OR2AP1: variants seen among roughly 807,000 people sequenced by gnomAD.
OR2AP1 encodes the protein olfactory receptor 2AP1.
A neutral mutation model predicts 13.9 loss-of-function variants in OR2AP1; 20 were observed. That is an observed-to-expected ratio of 1.44 (90% CI 1.01 to 2.09). OR2AP1 has a LOEUF of 2.09. Ranked by LOEUF, OR2AP1 falls within the 30% of genes most tolerant of loss-of-function variation. The pLI, the probability that OR2AP1 is intolerant of heterozygous loss-of-function variation, is 0.00. For synonymous variants in OR2AP1, 174 were observed against 137.0 expected (o/e 1.27, Z -1.89); for missense variants, 490 against 360.6 (o/e 1.36, Z -2.91).
At chr12:55,573,514 A>G (rs1368043393) in intron 1 of OR2AP1, among the ~76,000 whole-genome samples, 1 of 152,216 alleles carries the variant, frequency 6.6e-6, no homozygotes, top group Non-Finnish European at 1.5e-5. Context: ...TAAAATTCAC[A>G]TGCCCACATA....
rs1592346710 is a variant in OR2AP1, at chr12:55,575,457, T to C, written c.*113T>C. The C allele has an allele frequency of 1.6e-6, 1 of 606,284 alleles. No individual in the cohort carries two copies. The highest frequency in any genetic ancestry group is 2.9e-6 in the Non-Finnish European group (1 of 347,264). The allele number at this position is 606,284 out of a possible 1,614,324, so 37.6% of individuals were successfully genotyped here. ...AAGAAAATATGGCACATATACACCA[T>C]GGAATACTATGCAGCCATTAAAAAT... is the stretch of plus-strand genomic sequence containing the variant. On this transcript the variant is annotated 3_prime_UTR_variant, in exon 2 of 2. Transcript: ENST00000641114.
At chr12:55,573,849 C>A (rs1269487461) in intron 1 of OR2AP1, among the ~76,000 whole-genome samples, 1 of 151,976 alleles carries the variant, frequency 6.6e-6, no homozygotes, top group East Asian at 1.9e-4. Flanking sequence ...GTTGGAGGGT[C>A]CACTGGAAAG....
rs1256573066 is a variant in OR2AP1, at chr12:55,575,065, A to T, written c.651A>T (p.Ala217=). The T allele has an allele frequency of 1.3e-6, 2 of 1,547,496 alleles. No individual in the cohort carries two copies. Among genetic ancestry groups the T allele is most frequent in the East Asian group, 2.4e-5 (1 of 41,688 alleles). ...TGGTGCTAGTGATTCTCTCCTATGCATTCATTATCAAGACTATTCTGAAGC... is the reference window on the plus strand; with the variant it reads ...TGGTGCTAGTGATTCTCTCCTATGCTTTCATTATCAAGACTATTCTGAAGC... ...VTLVLVILSY[A]FIIKTILKLP... is the part of the protein sequence containing the mutation. The change falls in exon 2 of 2, where the codon GCA becomes GCT. Residue 217 remains alanine, a synonymous_variant. Coordinates refer to ENST00000641114, the MANE Select transcript of OR2AP1 (RefSeq NM_001258285.2).
At chr12:55,574,078 A>G (rs1435542776) in intron 1 of OR2AP1, 142 bp from the exon 2 acceptor site, 1 of 194,306 alleles carries the variant, frequency 5.1e-6, no homozygotes, top group Admixed American at 5.7e-5. Context: ...ACCATTCTGG[A>G]AGGAGGTAGC....
Position 55,575,221 on chromosome 12 carries a change from C to A in OR2AP1, c.807C>A (p.Asn269Lys). The change falls in exon 2 of 2, where the codon AAC becomes AAA. Residue 269 changes from asparagine (N) to lysine (K), a missense_variant. Coordinates refer to ENST00000641114, the MANE Select transcript of OR2AP1 (RefSeq NM_001258285.2). Reference protein sequence around the residue: ...NPSAKEGDTFNKGVALLITSV... With the variant: ...NPSAKEGDTFKKGVALLITSV... Reference sequence around the variant, plus strand: ...CTGCAAAAGAAGGGGATACATTCAACAAGGGAGTAGCTCTACTCATTACTT... The same window carrying A: ...CTGCAAAAGAAGGGGATACATTCAAAAAGGGAGTAGCTCTACTCATTACTT... The A allele has an allele frequency of 6.3e-7, 1 of 1,580,498 alleles. No homozygotes were observed. Among genetic ancestry groups the A allele is most frequent in the South Asian group, 1.1e-5 (1 of 88,214 alleles).
In OR2AP1 at chr12:55,574,611, T is replaced by C. The variant is rs1874507948; in HGVS notation, c.197T>C (p.Phe66Ser). Residue 66 changes from phenylalanine to serine, a missense_variant, in exon 2 of 2, where the codon TTC (phenylalanine) becomes TCC (serine). Phe to Ser is a radical substitution (Grantham distance 155). Coordinates refer to ENST00000641114, the MANE Select transcript of OR2AP1 (RefSeq NM_001258285.2). ...TATTTCTTTCTCCGGAACTTCTCCT[T>C]CTTGGAAATTTCCTTCACAAACATC... ...PMYFFLRNFS[F>S]LEISFTNIFI... 1 of 1,540,988 alleles carries C rather than the reference T, an allele frequency of 6.5e-7. No individual in the cohort carries two copies. The highest frequency in any genetic ancestry group is 8.7e-7 in the Non-Finnish European group (1 of 1,148,196).
chr12:55,572,734 A>C (rs1218469882), intron 1 of OR2AP1, 112 bp downstream of exon 1: 7 of 152,148 alleles, frequency 4.6e-5, no homozygotes, highest in Non-Finnish European at 1.0e-4. Context: ...TCTCAGCTGT[A>C]TATTTAAAGT....
Position 55,575,482 on chromosome 12 carries a change from T to G in OR2AP1, c.*138T>G. 5.3e-6 allele frequency: 3 copies of G among 564,414 alleles called. No homozygotes were observed. Among genetic ancestry groups the G allele is most frequent in the Non-Finnish European group, 6.3e-6 (2 of 318,040 alleles). The allele number at this position is 564,414 out of a possible 1,614,324, so 35.0% of individuals were successfully genotyped here. A position where few individuals can be genotyped will look rare whatever the true frequency, so the allele number is the denominator to read the frequency against. ...TGGAATACTATGCAGCCATTAAAAA[T>G]GATGAGTTGATGTCCTTTGTAGGGA... On this transcript the variant is annotated 3_prime_UTR_variant, in exon 2 of 2. Transcript: ENST00000641114.
At chr12:55,572,913 C>T (rs1350450430) in intron 1 of OR2AP1, among the ~76,000 whole-genome samples, 1 of 152,160 alleles carries the variant, frequency 6.6e-6, no homozygotes, top group African/African-American at 2.4e-5. Context: ...TGCCTCACAT[C>T]TGTAATCTCA....
chr12:55,575,292 A>G lies in OR2AP1; in HGVS notation c.878A>G (p.Gln293Arg). ...CCCTTTATTTACACCCTAAGGAACC[A>G]ACAGGTAAAACAACCCTTCAAGGAT... is the stretch of plus-strand genomic sequence containing the variant. ...LNPFIYTLRN[Q>R]QVKQPFKDMV... The change falls in exon 2 of 2, where the codon CAA becomes CGA. Residue 293 changes from glutamine (Q) to arginine (R), a missense_variant. Physicochemically the swap from Gln to Arg is conservative, Grantham distance 43. Transcript: ENST00000641114. The G allele has an allele frequency of 1.3e-6, 2 of 1,533,138 alleles. No individual in the cohort carries two copies. Among genetic ancestry groups the G allele is most frequent in the Non-Finnish European group, 1.7e-6 (2 of 1,142,936 alleles). The allele number at this position is 1,533,138 out of a possible 1,614,324, so 95.0% of individuals were successfully genotyped here.
rs1273680202 is a variant in OR2AP1, at chr12:55,574,636, C to T, written c.222C>T (p.Ile74=). Residue 74 remains isoleucine, a synonymous_variant, in exon 2 of 2, where the codon ATC becomes ATT. Transcript: ENST00000641114. ...TCTTGGAAATTTCCTTCACAAACAT[C>T]TTCATTCCAAGGGTCCTGATTAGCA... ...FSFLEISFTN[I]FIPRVLISIT... 1 of 1,543,144 alleles carries T rather than the reference C, an allele frequency of 6.5e-7. No individual in the cohort carries two copies. Among genetic ancestry groups the T allele is most frequent in the Non-Finnish European group, 8.7e-7 (1 of 1,148,616 alleles).
rs1301097137 is a variant in OR2AP1, at chr12:55,574,757, G to C, written c.343G>C (p.Ala115Pro). ...LGATEFYLLA[A>P]MSYDRYVAIC... Reference sequence around the variant, plus strand: ...GGCTACAGAGTTTTACCTTCTGGCTGCCATGTCCTATGACCGCTATGTGGC... The same window carrying C: ...GGCTACAGAGTTTTACCTTCTGGCTCCCATGTCCTATGACCGCTATGTGGC... The change falls in exon 2 of 2, where the codon GCC becomes CCC. Residue 115 changes from alanine (A) to proline (P), a missense_variant. Coordinates refer to ENST00000641114, the MANE Select transcript of OR2AP1 (RefSeq NM_001258285.2). The C allele has an allele frequency of 1.2e-6, 2 of 1,600,894 alleles. No homozygotes were observed. Among genetic ancestry groups the C allele is most frequent in the Non-Finnish European group, 1.7e-6 (2 of 1,173,316 alleles).
chr12:55,574,629 C>A lies in OR2AP1; in HGVS notation c.215C>A (p.Thr72Lys), dbSNP rs1045389211. 3.2e-6 allele frequency: 5 copies of A among 1,542,350 alleles called. No individual in the cohort carries two copies. Among genetic ancestry groups the A allele is most frequent in the Non-Finnish European group, 4.4e-6 (5 of 1,148,456 alleles). The change falls in exon 2 of 2, where the codon ACA (threonine) becomes AAA (lysine). Residue 72 changes from threonine to lysine, a missense_variant. Transcript: ENST00000641114. ...RNFSFLEISF[T>K]NIFIPRVLIS... ...TTCTCCTTCTTGGAAATTTCCTTCA[C>A]AAACATCTTCATTCCAAGGGTCCTG...
At chr12:55,573,461 T>A (rs143779039) in intron 1 of OR2AP1, among the ~76,000 whole-genome samples, 30 of 152,198 alleles carry the variant, frequency 2.0e-4, no homozygotes, top group African/African-American at 7.0e-4. Flanking sequence ...AAATATGGAA[T>A]CTCCCAGAAA....
In OR2AP1 at chr12:55,574,588, T is replaced by A; in HGVS notation, c.174T>A (p.Tyr58Ter). The A allele has an allele frequency of 6.5e-7, 1 of 1,540,600 alleles. No individual in the cohort carries two copies. Among genetic ancestry groups the A allele is most frequent in the African/African-American group, 1.4e-5 (1 of 73,186 alleles). Reference protein sequence around the residue: ...LLDSHLQTPMYFFLRNFSFLE... With the variant: ...LLDSHLQTPM ...ACTCCCACCTTCAGACTCCCATGTA[T>A]TTCTTTCTCCGGAACTTCTCCTTCT... The change falls in exon 2 of 2, where the codon TAT becomes TAA. Residue 58 changes from tyrosine to a stop codon, truncating the protein, a stop_gained. Transcript: ENST00000641114. LOFTEE classifies it high-confidence loss of function.
In OR2AP1 at chr12:55,574,581, C is replaced by T. The variant is rs1171659637; in HGVS notation, c.167C>T (p.Pro56Leu). The T allele has an allele frequency of 2.6e-6, 4 of 1,540,492 alleles. No homozygotes were observed. Among genetic ancestry groups the T allele is most frequent in the Non-Finnish European group, 2.6e-6 (3 of 1,148,446 alleles). ...TTGCTGGACTCCCACCTTCAGACTC[C>T]CATGTATTTCTTTCTCCGGAACTTC... ...LTLLDSHLQTPMYFFLRNFSF... is the reference protein window; with the variant it reads ...LTLLDSHLQTLMYFFLRNFSF... Residue 56 changes from proline (P) to leucine (L), a missense_variant, in exon 2 of 2, where the codon CCC (proline) becomes CTC (leucine). Coordinates refer to ENST00000641114, the MANE Select transcript of OR2AP1 (RefSeq NM_001258285.2).
In OR2AP1 at chr12:55,574,546, C is replaced by T; in HGVS notation, c.132C>T (p.Leu44=). The T allele has an allele frequency of 1.9e-6, 3 of 1,539,420 alleles. No individual in the cohort carries two copies. The highest frequency in any genetic ancestry group is 2.6e-6 in the Non-Finnish European group (3 of 1,147,984). The change falls in exon 2 of 2, where the codon CTC becomes CTT. Residue 44 remains leucine (L), a synonymous_variant. Transcript: ENST00000641114. ...LLSILGNLTI[L]ILTLLDSHLQ... ...GCATCCTTGGAAATCTGACTATCCT[C>T]ATCCTCACCTTGCTGGACTCCCACC...
Position 55,575,049 on chromosome 12 carries a change from T to A in OR2AP1, c.635T>A (p.Val212Glu), listed in dbSNP as rs753454960. 1.1e-5 allele frequency: 17 copies of A among 1,541,092 alleles called. No individual in the cohort carries two copies. In the Admixed American group the frequency reaches 1.7e-4, roughly 16 times the overall value. The stretch of plus-strand genomic sequence containing the variant: ...ACCCTGGTGGTCACTCTGGTGCTAG[T>A]GATTCTCTCCTATGCATTCATTATC... ...SVTLVVTLVL[V>E]ILSYAFIIKT... Residue 212 changes from valine to glutamate, a missense_variant, in exon 2 of 2, where the codon GTG becomes GAG. Physicochemically the swap from Val to Glu is moderately radical, Grantham distance 121. Transcript: ENST00000641114.
In OR2AP1 at chr12:55,572,573, A is replaced by C. The variant is rs2371189; in HGVS notation, c.-245A>C. On this transcript the variant is annotated 5_prime_UTR_variant, in exon 1 of 2. Transcript: ENST00000641114. ...ATTTTACTTCTCTGGAGTTGTAAAG[A>C]CTGAAACTGATGCAGATGTGAATAT... is the stretch of plus-strand genomic sequence containing the variant. 78,432 of 151,766 alleles carry C rather than the reference A, an allele frequency of 0.52. 22,722 individuals are homozygous for C. The highest frequency in any genetic ancestry group is 0.79 in the African/African-American group (32,550 of 41,368). 9.4% of individuals were successfully genotyped at this position (151,766 alleles called of 1,614,324 possible).
Sources: allele counts gnomAD v4.1 joint callset (sites outside exome capture counted in the v4.1 genomes callset), GRCh38; gene constraint gnomAD v4.1.1; transcripts MANE v1.5; gene names NCBI Gene and HGNC (gene_info 2026-07-23, HGNC 2026-07-21).